NALF2: variants seen among roughly 807,000 people sequenced by gnomAD.
NALF2 encodes the protein NALCN channel auxiliary factor 2.
In NALF2, 1 loss-of-function variant was observed where a neutral mutation model predicts 24.8. That is an observed-to-expected ratio of 0.04 (90% CI 0.01 to 0.19). NALF2 has a LOEUF of 0.19. Among genes scored for constraint, NALF2 ranks in the 10% least tolerant of loss-of-function variants. NALF2 has a pLI of 1.00. For synonymous variants in NALF2, 254 were observed against 189.8 expected (o/e 1.34, Z -2.78); for missense variants, 458 against 409.6 (o/e 1.12, Z -1.02).
intron 1 of NALF2, among the ~76,000 whole-genome samples, chrX:69,522,795 C>G (rs948535358): frequency 1.8e-5 from 2 of 111,837 alleles, no homozygotes; most frequent in African/African-American, 6.5e-5. Flanking sequence ...AGACCCTGCC[C>G]GAGGGGGTTC....
intron 1 of NALF2, among the ~76,000 whole-genome samples, chrX:69,522,184 C>G (rs1045353153): frequency 3.6e-5 from 4 of 112,211 alleles, no homozygotes; most frequent in African/African-American, 1.3e-4. Flanking sequence ...TGGATAAGCA[C>G]TTGGCAGTGA....
chrX:69,530,076 G>A lies in NALF2; in HGVS notation c.*120G>A. ...ATAAGGTGGGGGCGGGGGAAATGGG[G>A]GAATGACACATCCCCCCCAACCTAC... On this transcript the variant is annotated 3_prime_UTR_variant, in exon 3 of 3. Transcript: ENST00000252338. The A allele has an allele frequency of 1.9e-6, 1 of 525,911 alleles. No homozygotes were observed. The highest frequency in any genetic ancestry group is 3.5e-5 in the South Asian group (1 of 28,776). The allele number at this position is 525,911 out of a possible 1,213,427, so 43.3% of individuals were successfully genotyped here.
At position 69,529,629 on chromosome X, in the gene NALF2, C is replaced by A; in HGVS notation, c.1092C>A (p.Val364=). Residue 364 remains valine, a synonymous_variant, in exon 3 of 3, where the codon GTC becomes GTA. Transcript: ENST00000252338. ...CCAAGTGCTGTGACGTGCAGTGGGT[C>A]TCCTGTGAGGCGAAGAAGAAGAAGT... ...LETKCCDVQW[V]SCEAKKKKFK... 4 of 1,211,074 alleles carry A rather than the reference C, an allele frequency of 3.3e-6. No homozygotes were observed. The highest frequency in any genetic ancestry group is 4.5e-6 in the Non-Finnish European group (4 of 895,236).
In NALF2 at chrX:69,504,652, C is replaced by G. The variant is rs984178823; in HGVS notation, c.-631C>G. Among the ~76,000 whole-genome samples, 1 of 112,712 alleles carries G rather than the reference C, an allele frequency of 8.9e-6. No homozygotes were observed. The highest frequency in any genetic ancestry group is 1.9e-5 in the Non-Finnish European group (1 of 52,977). On this transcript the variant is annotated 5_prime_UTR_variant, in exon 1 of 3. Transcript: ENST00000252338. ...AGAGCGGAGCCCGCCAGGGACTGGC[C>G]CCGGCGAACACCCGGAGCGCGAACG...
At position 69,529,031 on chromosome X, in the gene NALF2, C is replaced by T. The variant is rs200565192; in HGVS notation, c.900C>T (p.Ser300=). Residue 300 remains serine (S), a synonymous_variant, in exon 2 of 3, where the codon AGC becomes AGT. Coordinates refer to ENST00000252338, the MANE Select transcript of NALF2 (RefSeq NM_015686.3). ...CCTGGCTGTGCTCAGAATACTTCAGCGTGACCCAGCAGGAATGCCAGCGCT... is the reference window on the plus strand; with the variant it reads ...CCTGGCTGTGCTCAGAATACTTCAGTGTGACCCAGCAGGAATGCCAGCGCT... ...YKAWLCSEYF[S]VTQQECQRWV... 2.2e-5 allele frequency: 27 copies of T among 1,209,022 alleles called. No homozygotes were observed. The highest frequency in any genetic ancestry group is 7.0e-5 in the African/African-American group (4 of 57,261).
At chrX:69,513,102 AG>A (rs1303325417) in intron 1 of NALF2, among the ~76,000 whole-genome samples, 2 of 111,596 alleles carry the variant, frequency 1.8e-5, no homozygotes, top group Non-Finnish European at 3.8e-5. Flanking sequence ...CCTGGAGGGA[AG>A]GTATCTCTGT....
intron 1 of NALF2, among the ~76,000 whole-genome samples, chrX:69,509,147 G>A (rs1773212384): frequency 8.9e-6 from 1 of 111,769 alleles, no homozygotes; most frequent in Non-Finnish European, 1.9e-5. Flanking sequence ...CACACAGCAG[G>A]GCAATGTAAC....
At chrX:69,519,026 T>A (rs1930699970) in intron 1 of NALF2, among the ~76,000 whole-genome samples, 1 of 112,476 alleles carries the variant, frequency 8.9e-6, no homozygotes, top group African/African-American at 3.2e-5. Flanking sequence ...CAATATTCCA[T>A]GTTTATATTA....
At chrX:69,529,225 A>G (rs1225466342) in intron 2 of NALF2, 61 bp downstream of exon 2, 2 of 1,109,506 alleles carry the variant, frequency 1.8e-6, no homozygotes, top group African/African-American at 1.8e-5. Context: ...GCATCAGGTC[A>G]GAGGAGTTGG....
chrX:69,529,660 GAGTCTGAGGCCCCCAAAACCCACCAGC>G lies in NALF2; in HGVS notation c.1126_1152del (p.Ser376_Gln384del), dbSNP rs1930865667. 8.3e-7 allele frequency: 1 copy of G among 1,210,378 alleles called. No individual in the cohort carries two copies. The highest frequency in any genetic ancestry group is 1.8e-5 in the South Asian group (1 of 56,626). ...TGAGGCGAAGAAGAAGAAGTTCAAG[GAGTCTGAGGCCCCCAAAACCCACCAGC>G]AGCAATTCCACCACTCCTATTTCCA... On this transcript the variant is annotated inframe_deletion, in exon 3 of 3. Coordinates refer to ENST00000252338, the MANE Select transcript of NALF2 (RefSeq NM_015686.3).
chrX:69,514,401 TC>T (rs1930634669), intron 1 of NALF2, among the ~76,000 whole-genome samples: 1 of 111,410 alleles, frequency 9.0e-6, no homozygotes, highest in African/African-American at 3.3e-5. Context: ...AGTACTTCAT[TC>T]CTTTTTATGG....
Position 69,511,571 on chromosome X carries a change from G to A in NALF2, c.861+5428G>A, listed in dbSNP as rs773648748. ...TTCATGGCTACTTCCCATCCTTCCCGCAGGCTGGTGCCTGACTACTACAGT... is the reference window on the plus strand; with the variant it reads ...TTCATGGCTACTTCCCATCCTTCCCACAGGCTGGTGCCTGACTACTACAGT... On this transcript the variant is annotated intron_variant, in intron 1 of 2. Transcript: ENST00000252338. Among the ~76,000 whole-genome samples the A allele has an allele frequency of 5.4e-5, 6 of 111,544 alleles. No individual in the cohort carries two copies. The East Asian group carries it at 8.6e-4, about 16-fold the overall frequency.
At chrX:69,525,076 C>G (rs1482746374) in intron 1 of NALF2, among the ~76,000 whole-genome samples, 2 of 111,809 alleles carry the variant, frequency 1.8e-5, no homozygotes, top group African/African-American at 3.3e-5. Context: ...CACCCCTCCC[C>G]CTTCCCCAAC....
chrX:69,524,929 C>T (rs925263119), intron 1 of NALF2, among the ~76,000 whole-genome samples: 1 of 111,990 alleles, frequency 8.9e-6, no homozygotes, highest in Non-Finnish European at 1.9e-5. Context: ...GTTCCTGCCT[C>T]GCCACCCACA....
chrX:69,522,928 C>T (rs1447685730), intron 1 of NALF2, among the ~76,000 whole-genome samples: 1 of 112,603 alleles, frequency 8.9e-6, no homozygotes, highest in East Asian at 2.8e-4. Context: ...CTTGGCTAAG[C>T]CAACCCTCTT....
At chrX:69,511,653 G>A (rs1035808497) in intron 1 of NALF2, among the ~76,000 whole-genome samples, 3 of 111,618 alleles carry the variant, frequency 2.7e-5, no homozygotes, top group East Asian at 2.8e-4. Context: ...GAAGGTGGGG[G>A]TTGGGGGAGT....
rs770752076 is a variant in NALF2 at position 69,515,020 on chromosome X, T to C, written c.861+8877T>C. 3.6e-5 allele frequency among the ~76,000 whole-genome samples: 4 copies of C among 112,459 alleles called. No individual in the cohort carries two copies. In the East Asian group the frequency reaches 8.4e-4, roughly 23 times the overall value. ...TGTTACTTCCAACATTTTGCTATTATAAATAATACTGTGATGATATTCTTT... is the reference window on the plus strand; with the variant it reads ...TGTTACTTCCAACATTTTGCTATTACAAATAATACTGTGATGATATTCTTT... On this transcript the variant is annotated intron_variant, in intron 1 of 2. Transcript: ENST00000252338.
At position 69,505,517 on chromosome X, in the gene NALF2, C is replaced by A; in HGVS notation, c.235C>A (p.Arg79=). The stretch of plus-strand genomic sequence containing the variant: ...GGCCAGGGAGCTGAGCAGCGCCATG[C>A]GGCCCCCATGGGGGGCCGGCCGGGA... ...PRARELSSAM[R]PPWGAGRERQ... Residue 79 remains arginine (R), a synonymous_variant, in exon 1 of 3, where the codon CGG becomes AGG. Transcript: ENST00000252338. 3 of 995,795 alleles carry A rather than the reference C, an allele frequency of 3.0e-6. No individual in the cohort carries two copies. Among genetic ancestry groups the A allele is most frequent in the Non-Finnish European group, 2.5e-6 (2 of 795,740 alleles). The allele number at this position is 995,795 out of a possible 1,213,427, so 82.1% of individuals were successfully genotyped here.
intron 1 of NALF2, among the ~76,000 whole-genome samples, chrX:69,522,626 T>G (rs1930748880): frequency 8.9e-6 from 1 of 112,545 alleles, no homozygotes. Flanking sequence ...TTAATGCATC[T>G]AATCCCAGTC....
Sources: allele counts gnomAD v4.1 joint callset (sites outside exome capture counted in the v4.1 genomes callset), GRCh38; gene constraint gnomAD v4.1.1; transcripts MANE v1.5; gene names NCBI Gene and HGNC (gene_info 2026-07-23, HGNC 2026-07-21).